The following CRACR2B variants were observed in gnomAD, a reference collection of about 807,000 sequenced individuals.
CRACR2B encodes calcium release activated channel regulator 2B.
Under a neutral mutation model 46.0 loss-of-function variants are expected in CRACR2B, and 50 were observed. The observed-to-expected ratio is 1.09, with a 90% CI of 0.87 to 1.38. The LOEUF (loss-of-function observed/expected upper bound fraction) is 1.38. Ranked by LOEUF, CRACR2B falls within the 40% of genes most tolerant of loss-of-function variation. The pLI is 0.00. For synonymous variants in CRACR2B, 277 were observed against 239.6 expected (o/e 1.16, Z -1.44); for missense variants, 667 against 535.0 (o/e 1.25, Z -2.43).
chr11:829,573 G>A (rs114100196), intron 3 of CRACR2B, 33 bp downstream of exon 3: 16 of 1,517,740 alleles, frequency 1.1e-5, no homozygotes, highest in African/African-American at 1.4e-5. Context: ...CCCACTGCCC[G>A]CTCTGCTGTT....
At chr11:827,050 G>A (rs1170388582), upstream of CRACR2B, among the ~76,000 whole-genome samples, 1 of 152,168 alleles carries the variant, frequency 6.6e-6, no homozygotes, top group Non-Finnish European at 1.5e-5. Context: ...TGGGTCTCTG[G>A]GGCATATCGT....
chr11:831,669 C>T lies in CRACR2B; in HGVS notation c.1160C>T (p.Pro387Leu), dbSNP rs1433792813. ...TCCCCCCWAR[P>L]PRRGSGHLPS... ...TGCTGCTGCTGTTGCTGGGCTCGGC[C>T]CCCCAGACGCGGCTCTGGCCACCTT... Residue 387 changes from proline to leucine, a missense_variant, in exon 9 of 9, where the codon CCC (proline) becomes CTC (leucine). Physicochemically the swap from Pro to Leu is moderately conservative, Grantham distance 98. Transcript: ENST00000525077. 3.9e-6 allele frequency: 6 copies of T among 1,530,898 alleles called. No individual in the cohort carries two copies. The highest frequency in any genetic ancestry group is 3.6e-5 in the South Asian group (3 of 83,030). The allele number at this position is 1,530,898 out of a possible 1,614,324, so 94.8% of individuals were successfully genotyped here.
At chr11:829,089 G>A in intron 2 of CRACR2B, 126 bp downstream of exon 2, 1 of 1,374,314 alleles carries the variant, frequency 7.3e-7, no homozygotes, top group South Asian at 1.2e-5. Flanking sequence ...CCCGTGCTTT[G>A]TCTGCACGCA....
In CRACR2B at chr11:827,973, G is replaced by A. The variant is rs1290136334; in HGVS notation, c.-635G>A. 2.0e-5 allele frequency among the ~76,000 whole-genome samples: 3 copies of A among 152,192 alleles called. No individual in the cohort carries two copies. Among genetic ancestry groups the A allele is most frequent in the Admixed American group, 1.3e-4 (2 of 15,288 alleles). ...GAATCTGGAAGTGTTCCTGAGTGGG[G>A]CGTCAGAGGCGAAGGGCTCTGCAGG... On this transcript the variant is annotated 5_prime_UTR_variant, in exon 1 of 9. Coordinates refer to ENST00000525077, the MANE Select transcript of CRACR2B (RefSeq NM_001286606.2).
Position 830,933 on chromosome 11 carries a change from G to C in CRACR2B, c.854G>C (p.Trp285Ser). Reference sequence around the variant, plus strand: ...GCACAGGCCCAGAACTCCCAGCTGTGGCGGGCGCACGAGGCGCTGCGAACG... The same window carrying C: ...GCACAGGCCCAGAACTCCCAGCTGTCGCGGGCGCACGAGGCGCTGCGAACG... ...LEAQAQNSQL[W>S]RAHEALRTQL... is the part of the protein sequence containing the mutation. The change falls in exon 7 of 9, where the codon TGG (tryptophan) becomes TCG (serine). Residue 285 changes from tryptophan (W) to serine (S), a missense_variant. Coordinates refer to ENST00000525077, the MANE Select transcript of CRACR2B (RefSeq NM_001286606.2). The C allele has an allele frequency of 6.5e-7, 1 of 1,532,256 alleles. No individual in the cohort carries two copies. The highest frequency in any genetic ancestry group is 8.7e-7 in the Non-Finnish European group (1 of 1,145,798). 94.9% of individuals were successfully genotyped at this position (1,532,256 alleles called of 1,614,324 possible). A position where few individuals can be genotyped will look rare whatever the true frequency, so the allele number is the denominator to read the frequency against.
At chr11:830,463 C>T in intron 5 of CRACR2B, 126 bp downstream of exon 5, 6 of 1,536,348 alleles carry the variant, frequency 3.9e-6, no homozygotes, top group Non-Finnish European at 5.2e-6. Context: ...TGCCCTCAGC[C>T]CGAGGAGATC....
At chr11:830,377 C>T (rs752877413) in intron 5 of CRACR2B, 40 bp downstream of exon 5, 1 of 1,536,672 alleles carries the variant, frequency 6.5e-7, no homozygotes, top group Non-Finnish European at 8.7e-7. Flanking sequence ...GGCCCAATCC[C>T]ACCTCGCTGG....
chr11:829,387 A>T lies in CRACR2B; in HGVS notation c.305A>T (p.Gln102Leu), dbSNP rs1275628097. The T allele has an allele frequency of 6.2e-7, 1 of 1,609,940 alleles. No individual in the cohort carries two copies. The highest frequency in any genetic ancestry group is 1.7e-5 in the Admixed American group (1 of 59,092). Residue 102 changes from glutamine to leucine, a missense_variant, in exon 3 of 9, where the codon CAG becomes CTG. Transcript: ENST00000525077. ...LGMFVGVASA[Q>L]GANPCRTPEE... ...ATGTTTGTGGGGGTGGCGTCAGCCC[A>T]GGGAGCGAACCCCTGCAGGACTCCC...
At chr11:831,155 A>G (rs1315504339) in intron 7 of CRACR2B, 69 bp from the exon 8 acceptor site, 2 of 1,606,460 alleles carry the variant, frequency 1.2e-6, no homozygotes, top group East Asian at 2.2e-5. Flanking sequence ...GGGAAGGAGG[A>G]TCTTCTAGGG....
chr11:829,925 CGG>C (rs1436638213), intron 3 of CRACR2B, 59 bp from the exon 4 acceptor site: 5 of 1,521,166 alleles, frequency 3.3e-6, no homozygotes, highest in Non-Finnish European at 4.4e-6. Flanking sequence ...TTGCTGCTGG[CGG>C]AGGGAAGCCT....
In CRACR2B at chr11:830,847, C is replaced by T; in HGVS notation, c.787-19C>T. 1.3e-6 allele frequency: 2 copies of T among 1,509,584 alleles called. No individual in the cohort carries two copies. The highest frequency in any genetic ancestry group is 2.4e-5 in the South Asian group (2 of 81,894). The allele number at this position is 1,509,584 out of a possible 1,614,324, so 93.5% of individuals were successfully genotyped here. On this transcript the variant is annotated intron_variant, in intron 6 of 8. Transcript: ENST00000525077. ...AAGAGGGGGCGTTCCTCGCCGGTCT[C>T]CATCCTTCCACCCTCCAGTTAGAGC... is the stretch of plus-strand genomic sequence containing the variant.
In CRACR2B at chr11:831,827, G is replaced by C; in HGVS notation, c.*118G>C. On this transcript the variant is annotated 3_prime_UTR_variant, in exon 9 of 9. Coordinates refer to ENST00000525077, the MANE Select transcript of CRACR2B (RefSeq NM_001286606.2). ...TCCCCAGTGGGCCCCAGGCTCGCCT[G>C]ACTGAAGACATGAAGGACCTAGCCT... 7.8e-7 allele frequency: 1 copy of C among 1,280,830 alleles called. No individual in the cohort carries two copies. Among genetic ancestry groups the C allele is most frequent in the Non-Finnish European group, 1.0e-6 (1 of 974,900 alleles). 79.3% of individuals were successfully genotyped at this position (1,280,830 alleles called of 1,614,324 possible).
At position 830,051 on chromosome 11, in the gene CRACR2B, T is replaced by C. The variant is rs1457361078; in HGVS notation, c.524T>C (p.Phe175Ser). The change falls in exon 4 of 9, where the codon TTC becomes TCC. Residue 175 changes from phenylalanine (F) to serine (S), a missense_variant. Coordinates refer to ENST00000525077, the MANE Select transcript of CRACR2B (RefSeq NM_001286606.2). Reference protein sequence around the residue: ...QRERPELLGSFEDVLIRASAC... With the variant: ...QRERPELLGSSEDVLIRASAC... ...GAGCGCCCCGAGCTGCTGGGCTCTT[T>C]CGAGGATGTTCTGATACGCGCGTCG... 3.2e-6 allele frequency: 5 copies of C among 1,563,700 alleles called. No individual in the cohort carries two copies. In the African/African-American group the frequency reaches 6.8e-5, roughly 21 times the overall value.
upstream of CRACR2B, chr11:826,304 G>A (rs935151442): frequency 6.6e-6 from 1 of 152,448 alleles, no homozygotes; most frequent in East Asian, 1.9e-4. Context: ...GGGCTGGGGA[G>A]GGCTCCTCGG....
chr11:829,285 C>A, intron 2 of CRACR2B, 75 bp from the exon 3 acceptor site: 1 of 1,520,982 alleles, frequency 6.6e-7, no homozygotes, highest in East Asian at 2.4e-5. Flanking sequence ...GCAGGATACT[C>A]GTTGGGAGGG....
At position 828,683 on chromosome 11, in the gene CRACR2B, C is replaced by CT; in HGVS notation, c.76_77insT (p.Pro26LeufsTer10). 6.2e-7 allele frequency: 1 copy of CT among 1,611,560 alleles called. No individual in the cohort carries two copies. Among genetic ancestry groups the CT allele is most frequent in the East Asian group, 2.2e-5 (1 of 44,872 alleles). On this transcript the variant is annotated frameshift_variant, in exon 1 of 9. Transcript: ENST00000525077. LOFTEE classifies it high-confidence loss of function. ...GGAACTCGAGGGGGGCTCTGCAGGGCCGCGGGCTGCAATACTGGAGCAGGC... is the reference window on the plus strand; with the variant it reads ...GGAACTCGAGGGGGGCTCTGCAGGGCTCGCGGGCTGCAATACTGGAGCAGGC...
chr11:831,931 A>G lies in CRACR2B; in HGVS notation c.*222A>G. 1 of 520,678 alleles carries G rather than the reference A, an allele frequency of 1.9e-6. No homozygotes were observed. Among genetic ancestry groups the G allele is most frequent in the Non-Finnish European group, 3.3e-6 (1 of 303,712 alleles). 32.3% of individuals were successfully genotyped at this position (520,678 alleles called of 1,614,324 possible). A position where few individuals can be genotyped will look rare whatever the true frequency, so the allele number is the denominator to read the frequency against. ...GTCTTCGCTCTGTCCCCGTTCAATCAACCCCATCTCAGTTCAGCAGAAAAC... is the reference window on the plus strand; with the variant it reads ...GTCTTCGCTCTGTCCCCGTTCAATCGACCCCATCTCAGTTCAGCAGAAAAC... On this transcript the variant is annotated 3_prime_UTR_variant, in exon 9 of 9. Coordinates refer to ENST00000525077, the MANE Select transcript of CRACR2B (RefSeq NM_001286606.2).
chr11:827,599 A>C (rs1846000080), upstream of CRACR2B: 1 of 966,130 alleles, frequency 1.0e-6, no homozygotes, highest in African/African-American at 1.8e-5. Context: ...CTAGCCGGCA[A>C]GCCGGAGGGC....
upstream of CRACR2B, among the ~76,000 whole-genome samples, chr11:826,712 A>G (rs1370303405): frequency 6.6e-6 from 1 of 152,130 alleles, no homozygotes; most frequent in South Asian, 2.1e-4. Context: ...TTTAGTAGAG[A>G]CGGGGTTTCG....
Sources: gnomAD v4.1 joint callset for allele counts (sites outside exome capture counted in the v4.1 genomes callset) on GRCh38, gnomAD v4.1.1 for gene constraint, MANE v1.5 for transcripts, NCBI Gene and HGNC (gene_info 2026-07-23, HGNC 2026-07-21) for gene names.